PABPC4L: variants seen among roughly 807,000 people sequenced by gnomAD.
PABPC4L encodes the protein polyadenylate-binding protein 4-like.
For missense variants in PABPC4L, 452 were observed against 451.4 expected (o/e 1.00, Z -0.01); for synonymous variants, 169 against 164.1 (o/e 1.03, Z -0.23).
the PABPC4L span, among the ~76,000 whole-genome samples, chr4:134,100,574 T>G: frequency 6.6e-6 from 1 of 151,618 alleles, no homozygotes; most frequent in Non-Finnish European, 1.5e-5. Context: ...ACGCACATAT[T>G]CTGTTTTTGT....
the PABPC4L span, among the ~76,000 whole-genome samples, chr4:134,085,444 AAC>A: frequency 6.6e-6 from 1 of 152,106 alleles, no homozygotes; most frequent in African/African-American, 2.4e-5. Flanking sequence ...ATAATACACA[AAC>A]ACACACGCAC....
chr4:134,040,393 A>T, the PABPC4L span, among the ~76,000 whole-genome samples: 1 of 152,060 alleles, frequency 6.6e-6, no homozygotes, highest in Non-Finnish European at 1.5e-5. Flanking sequence ...AGACCAATGG[A>T]ACAGAACAGA....
At chr4:134,100,873 A>C in the PABPC4L span, among the ~76,000 whole-genome samples, 1 of 151,558 alleles carries the variant, frequency 6.6e-6, no homozygotes, top group Non-Finnish European at 1.5e-5. Context: ...GGAAGATAAA[A>C]CCTTATAATA....
the PABPC4L span, among the ~76,000 whole-genome samples, chr4:133,970,075 A>T: frequency 0.078 from 9,615 of 123,920 alleles, 1,032 homozygotes; most frequent in African/African-American, 0.23. Flanking sequence ...ATATTTAAAA[A>T]ATATATATAT....
the PABPC4L span, among the ~76,000 whole-genome samples, chr4:134,163,653 A>G: frequency 6.6e-6 from 1 of 152,200 alleles, no homozygotes; most frequent in African/African-American, 2.4e-5. Context: ...TAATTACCAT[A>G]ATCAAGTGGG....
chr4:134,056,243 A>G, the PABPC4L span, among the ~76,000 whole-genome samples: 6 of 152,012 alleles, frequency 3.9e-5, no homozygotes, highest in African/African-American at 1.4e-4. Context: ...TGAGTACTCT[A>G]TATCATGATC....
At chr4:134,074,845 A>T in the PABPC4L span, among the ~76,000 whole-genome samples, 2 of 152,116 alleles carry the variant, frequency 1.3e-5, no homozygotes, top group African/African-American at 4.8e-5. Flanking sequence ...TCATGAGAAC[A>T]TCATGAGGGT....
the PABPC4L span, among the ~76,000 whole-genome samples, chr4:134,043,241 A>G: frequency 6.6e-6 from 1 of 152,166 alleles, no homozygotes; most frequent in South Asian, 2.1e-4. Context: ...CACAGGAAGA[A>G]TTGATGCTAT....
At chr4:134,006,026 G>A in the PABPC4L span, among the ~76,000 whole-genome samples, 1 of 151,838 alleles carries the variant, frequency 6.6e-6, no homozygotes, top group Admixed American at 6.6e-5. Flanking sequence ...CACAATTTAA[G>A]TTGTGTAATA....
chr4:134,169,550 TC>T, the PABPC4L span, among the ~76,000 whole-genome samples: 1 of 151,706 alleles, frequency 6.6e-6, no homozygotes, highest in East Asian at 1.9e-4. Context: ...ACCTCAAGAC[TC>T]CATCAAAAAA....
chr4:133,983,518 T>C, the PABPC4L span, among the ~76,000 whole-genome samples: 2 of 151,762 alleles, frequency 1.3e-5, no homozygotes, highest in Non-Finnish European at 3.0e-5. Context: ...ATAACACAAT[T>C]AATATTTGAT....
At chr4:133,950,589 C>T in the PABPC4L span, among the ~76,000 whole-genome samples, 3 of 152,142 alleles carry the variant, frequency 2.0e-5, no homozygotes, top group Non-Finnish European at 2.9e-5. Context: ...ATTTTTCTCC[C>T]ATCAGGGAGC....
the PABPC4L span, among the ~76,000 whole-genome samples, chr4:134,172,395 T>C: frequency 1.3e-5 from 2 of 152,178 alleles, no homozygotes; most frequent in South Asian, 4.1e-4. Flanking sequence ...TTGACAAAGT[T>C]GACCAACTAG....
the PABPC4L span, among the ~76,000 whole-genome samples, chr4:134,105,698 G>C: frequency 1.5e-4 from 23 of 151,654 alleles, no homozygotes; most frequent in African/African-American, 3.9e-4. Context: ...GCGAAGTACA[G>C]AGAAAGGAAA....
At chr4:134,093,265 T>A in the PABPC4L span, among the ~76,000 whole-genome samples, 1 of 151,832 alleles carries the variant, frequency 6.6e-6, no homozygotes, top group Non-Finnish European at 1.5e-5. Flanking sequence ...TTTCTGGTTT[T>A]TGAGCTGAAA....
the PABPC4L span, among the ~76,000 whole-genome samples, chr4:134,098,401 TTTTG>T: frequency 6.6e-6 from 1 of 151,810 alleles, no homozygotes; most frequent in African/African-American, 2.4e-5. Context: ...AATCTGTTTC[TTTTG>T]TTTGTTTGTT....
chr4:133,986,480 A>G, the PABPC4L span, among the ~76,000 whole-genome samples: 1 of 146,902 alleles, frequency 6.8e-6, no homozygotes, highest in East Asian at 1.9e-4. Context: ...CAGGACAAAT[A>G]CTTAATGACA....
At chr4:133,987,196 T>A in the PABPC4L span, among the ~76,000 whole-genome samples, 1 of 152,310 alleles carries the variant, frequency 6.6e-6, no homozygotes, top group African/African-American at 2.4e-5. Context: ...ACTGCTCATA[T>A]CACATTGTCC....
the PABPC4L span, among the ~76,000 whole-genome samples, chr4:133,979,888 AATTG>A: frequency 1.3e-5 from 2 of 152,156 alleles, no homozygotes; most frequent in Admixed American, 6.6e-5. Context: ...TGTTTCAAAT[AATTG>A]ATCTTGTTTT....
Sources: allele counts gnomAD v4.1 joint callset (sites outside exome capture counted in the v4.1 genomes callset), GRCh38; gene constraint gnomAD v4.1.1; transcripts MANE v1.5; gene names NCBI Gene and HGNC (gene_info 2026-07-23, HGNC 2026-07-21).